The following CACNA1C variants were observed in gnomAD, a reference collection of about 807,000 sequenced individuals.
CACNA1C encodes voltage-dependent L-type calcium channel subunit alpha-1C.
A neutral mutation model predicts 229.0 loss-of-function variants in CACNA1C; 30 were observed. The observed-to-expected ratio is 0.13, with a 90% CI of 0.10 to 0.18. The LOEUF is 0.18. Among genes scored for constraint, CACNA1C ranks in the 10% least tolerant of loss-of-function variants. The pLI is 1.00. For missense variants in CACNA1C, 1,658 were observed against 2,845.0 expected (o/e 0.58, Z 9.49); for synonymous variants, 1,114 against 1,132.5 (o/e 0.98, Z 0.33).
chr12:2,183,312 G>C (rs1260427501), intron 3 of CACNA1C, among the ~76,000 whole-genome samples: 2 of 151,958 alleles, frequency 1.3e-5, no homozygotes, highest in Admixed American at 6.5e-5. Flanking sequence ...GAGCTCCTTC[G>C]CCTGAGGGGC....
At chr12:2,196,343 A>G (rs1240149829) in intron 3 of CACNA1C, among the ~76,000 whole-genome samples, 1 of 152,238 alleles carries the variant, frequency 6.6e-6, no homozygotes, top group African/African-American at 2.4e-5. Context: ...CGCTCAGGTG[A>G]TAAATTGTGA....
intron 8 of CACNA1C, among the ~76,000 whole-genome samples, chr12:2,511,332 C>T (rs1395431922): frequency 6.6e-6 from 1 of 152,206 alleles, no homozygotes; most frequent in African/African-American, 2.4e-5. Flanking sequence ...AATGCAAGCA[C>T]TAGGCAGTGC....
chr12:1,991,416 C>A, intron 1 of CACNA1C: 1 of 218,764 alleles, frequency 4.6e-6, no homozygotes, highest in Non-Finnish European at 9.5e-6. Flanking sequence ...GAACGTGAGC[C>A]ACATCTGTTA....
chr12:2,684,920 G>A (rs2370604), intron 43 of CACNA1C, among the ~76,000 whole-genome samples: 25 of 152,210 alleles, frequency 1.6e-4, no homozygotes, highest in East Asian at 5.8e-4. Context: ...TCAGAGGTGT[G>A]GGGTGGCACC....
intron 3 of CACNA1C, among the ~76,000 whole-genome samples, chr12:2,231,155 G>A (rs1280448731): frequency 6.6e-6 from 1 of 152,144 alleles, no homozygotes; most frequent in African/African-American, 2.4e-5. Flanking sequence ...CTTATTTTAT[G>A]TTATAATTTA....
chr12:2,534,357 A>G (rs1450953602), intron 9 of CACNA1C, among the ~76,000 whole-genome samples: 1 of 152,178 alleles, frequency 6.6e-6, no homozygotes, highest in Non-Finnish European at 1.5e-5. Context: ...AGCCAGGACA[A>G]GGGTCCCGTG....
intron 1 of CACNA1C, among the ~76,000 whole-genome samples, chr12:2,107,578 G>T (rs1437258559): frequency 6.6e-6 from 1 of 152,274 alleles, no homozygotes; most frequent in Non-Finnish European, 1.5e-5. Context: ...GCTTAGGCTG[G>T]AGGGGAATGC....
At chr12:1,980,070 T>G (rs926077059) in intron 1 of CACNA1C, among the ~76,000 whole-genome samples, 1 of 152,206 alleles carries the variant, frequency 6.6e-6, no homozygotes, top group African/African-American at 2.4e-5. Context: ...TCTCTAAAGC[T>G]AAACAAACCC....
intron 3 of CACNA1C, among the ~76,000 whole-genome samples, chr12:2,205,937 C>T (rs558690302): frequency 5.9e-5 from 9 of 152,282 alleles, no homozygotes; most frequent in South Asian, 2.1e-4. Flanking sequence ...TAATCTCATT[C>T]GTGAGTGCTC....
At chr12:2,076,719 C>T (rs1165480814) in intron 1 of CACNA1C, among the ~76,000 whole-genome samples, 2 of 152,174 alleles carry the variant, frequency 1.3e-5, no homozygotes, top group Admixed American at 6.5e-5. Context: ...ACACTTGTAT[C>T]GGAACCATTG....
At chr12:2,306,736 G>A (rs1163730607) in intron 3 of CACNA1C, among the ~76,000 whole-genome samples, 2 of 152,240 alleles carry the variant, frequency 1.3e-5, no homozygotes, top group African/African-American at 4.8e-5. Flanking sequence ...CTGGCTTAAA[G>A]TCACGCTAAA....
In CACNA1C at chr12:2,193,846, G is replaced by A. The variant is rs572005372; in HGVS notation, c.477+73416G>A. The stretch of plus-strand genomic sequence containing the variant: ...CCTGCTGCTCTTCATTTTGTCCTCA[G>A]AGGAGGAACGTGTCCTCTCTTCCCT... On this transcript the variant is annotated intron_variant, in intron 3 of 46. Transcript: ENST00000399655. Among the ~76,000 whole-genome samples the A allele has an allele frequency of 3.9e-5, 6 of 152,326 alleles. No individual in the cohort carries two copies. The South Asian group carries it at 1.2e-3, about 32-fold the overall frequency.
chr12:2,220,409 C>T (rs984072077), intron 3 of CACNA1C: 2 of 152,294 alleles, frequency 1.3e-5, no homozygotes, highest in African/African-American at 2.4e-5. Flanking sequence ...TTACCTCTGC[C>T]CTCCCATGAG....
In CACNA1C at chr12:2,685,729, G is replaced by A. The variant is rs1480251041; in HGVS notation, c.5574-7G>A. ...CAGGAACAAGCCCCATGAGCTCTCT[G>A]TTCCAGGCTCTCCTACCAGGATGAC... On this transcript the variant is annotated splice_region_variant and splice_polypyrimidine_tract_variant and intron_variant, in intron 43 of 46. Transcript: ENST00000399655. The A allele has an allele frequency of 6.2e-7, 1 of 1,610,882 alleles. No individual in the cohort carries two copies. The highest frequency in any genetic ancestry group is 8.5e-7 in the Non-Finnish European group (1 of 1,177,070).
At chr12:2,436,256 T>C (rs571226654) in intron 3 of CACNA1C, among the ~76,000 whole-genome samples, 1 of 152,350 alleles carries the variant, frequency 6.6e-6, no homozygotes. Context: ...AGAAATTCAC[T>C]GCTCAGAAAT....
At chr12:2,581,443 C>T (rs2060466026) in intron 13 of CACNA1C, 147 bp from the exon 14 acceptor site, 1 of 678,492 alleles carries the variant, frequency 1.5e-6, no homozygotes, top group South Asian at 2.3e-5. Context: ...ACTCACACCA[C>T]CACCAACACG....
At chr12:2,397,017 A>G (rs1205427931) in intron 3 of CACNA1C, among the ~76,000 whole-genome samples, 3 of 152,228 alleles carry the variant, frequency 2.0e-5, no homozygotes, top group African/African-American at 7.2e-5. Flanking sequence ...AATAGTTTAT[A>G]TTTGGGGTTC....
intron 10 of CACNA1C, among the ~76,000 whole-genome samples, chr12:2,551,646 C>T (rs1036012242): frequency 3.3e-5 from 5 of 152,078 alleles, no homozygotes; most frequent in Admixed American, 6.6e-5. Flanking sequence ...AGTGAGTGAC[C>T]GGGATCTTTA....
At chr12:2,002,041 G>T (rs749824812) in intron 1 of CACNA1C, among the ~76,000 whole-genome samples, 13 of 152,172 alleles carry the variant, frequency 8.5e-5, no homozygotes, top group Non-Finnish European at 1.5e-4. Context: ...CAGGGAGTAG[G>T]TCTAACTCTA....
Sources: allele counts gnomAD v4.1 joint callset (sites outside exome capture counted in the v4.1 genomes callset), GRCh38; gene constraint gnomAD v4.1.1; transcripts MANE v1.5; gene names NCBI Gene and HGNC (gene_info 2026-07-23, HGNC 2026-07-21).